GPC3: variants seen among roughly 807,000 people sequenced by gnomAD.
GPC3 encodes the protein glypican-3.
GPC3 carries 3 observed loss-of-function variants against 34.4 expected under a neutral mutation model. The observed-to-expected ratio is 0.09, with a 90% CI of 0.04 to 0.23. The LOEUF (loss-of-function observed/expected upper bound fraction) is 0.23. Ranked by LOEUF, GPC3 falls within the 10% of genes least tolerant of loss-of-function variation. The pLI is 1.00. For synonymous variants in GPC3, 177 were observed against 174.0 expected (o/e 1.02, Z -0.13); for missense variants, 351 against 445.6 (o/e 0.79, Z 1.91).
At chrX:133,729,839 C>T (rs1331831762) in intron 3 of GPC3, among the ~76,000 whole-genome samples, 3 of 112,120 alleles carry the variant, frequency 2.7e-5, no homozygotes, top group East Asian at 2.8e-4. Flanking sequence ...GTTTAATTAA[C>T]GCTGATACTT....
intron 6 of GPC3, among the ~76,000 whole-genome samples, chrX:133,635,974 T>C (rs2070419014): frequency 9.0e-6 from 1 of 111,598 alleles, no homozygotes; most frequent in Non-Finnish European, 1.9e-5. Flanking sequence ...ACATTCTGTT[T>C]TCATTTCCCT....
intron 2 of GPC3, among the ~76,000 whole-genome samples, chrX:133,776,706 A>G (rs901506622): frequency 9.0e-6 from 1 of 110,764 alleles, no homozygotes. Flanking sequence ...TAGCCCTGAC[A>G]GTGATAATCC....
At chrX:133,710,453 A>G (rs1311890649) in intron 3 of GPC3, among the ~76,000 whole-genome samples, 1 of 111,918 alleles carries the variant, frequency 8.9e-6, no homozygotes, top group Admixed American at 9.5e-5. Flanking sequence ...GTCTCCCCCA[A>G]CCAGATAGAA....
At chrX:133,960,442 GT>G (rs1157698426) in intron 1 of GPC3, among the ~76,000 whole-genome samples, 1 of 111,658 alleles carries the variant, frequency 9.0e-6, no homozygotes, top group African/African-American at 3.3e-5. Context: ...TGTTCTATAT[GT>G]TGGTTATTTT....
At chrX:133,570,186 C>CG (rs369888667) in intron 7 of GPC3, among the ~76,000 whole-genome samples, 1,273 of 109,713 alleles carry the variant, frequency 0.012, 26 homozygotes, top group African/African-American at 0.039. Flanking sequence ...CCACCGCGCC[C>CG]GGCCTGTTTG....
chrX:133,905,679 C>T (rs1254474459), intron 2 of GPC3, among the ~76,000 whole-genome samples: 1 of 110,838 alleles, frequency 9.0e-6, no homozygotes, highest in Non-Finnish European at 1.9e-5. Context: ...CAATCTAATA[C>T]CGTATGAAAC....
chrX:133,737,439 GGT>G (rs1440269157), intron 3 of GPC3, among the ~76,000 whole-genome samples: 1 of 111,835 alleles, frequency 8.9e-6, no homozygotes, highest in African/African-American at 3.3e-5. Flanking sequence ...AGTGAGGGAG[GGT>G]GTGTGTGTGG....
chrX:133,561,715 G>A (rs2069540160), intron 7 of GPC3, among the ~76,000 whole-genome samples: 1 of 111,814 alleles, frequency 8.9e-6, no homozygotes, highest in Non-Finnish European at 1.9e-5. Flanking sequence ...ATATCCTCAG[G>A]ATTCATATGG....
At chrX:133,958,386 T>C (rs1438185293) in intron 1 of GPC3, among the ~76,000 whole-genome samples, 5 of 107,406 alleles carry the variant, frequency 4.7e-5, no homozygotes, top group African/African-American at 1.7e-4. Flanking sequence ...ATAAAAAAAT[T>C]TTTTTTTAAT....
chrX:133,551,393 G>A (rs779405736), intron 7 of GPC3, among the ~76,000 whole-genome samples: 4 of 112,030 alleles, frequency 3.6e-5, no homozygotes, highest in Non-Finnish European at 7.5e-5. Context: ...GCTGGCACAG[G>A]AATAAATGTA....
At chrX:133,642,972 A>C (rs2070498645) in intron 6 of GPC3, among the ~76,000 whole-genome samples, 2 of 111,322 alleles carry the variant, frequency 1.8e-5, no homozygotes, top group Non-Finnish European at 3.8e-5. Flanking sequence ...TCAAATACTA[A>C]GGAATTTATT....
intron 2 of GPC3, among the ~76,000 whole-genome samples, chrX:133,873,529 C>T (rs917089776): frequency 3.6e-5 from 4 of 110,917 alleles, no homozygotes; most frequent in African/African-American, 1.3e-4. Flanking sequence ...TATTCTAGGC[C>T]CCATGGGTGA....
chrX:133,902,372 A>G (rs1438828840), intron 2 of GPC3, among the ~76,000 whole-genome samples: 2 of 112,303 alleles, frequency 1.8e-5, no homozygotes, highest in East Asian at 2.8e-4. Flanking sequence ...CTTGGGTTGG[A>G]GGTTGAAGAT....
chrX:133,616,287 C>CA (rs1233675668), intron 6 of GPC3, among the ~76,000 whole-genome samples: 1 of 111,406 alleles, frequency 9.0e-6, no homozygotes, highest in Non-Finnish European at 1.9e-5. Context: ...CAATTACATC[C>CA]AAAAAAATTA....
intron 2 of GPC3, among the ~76,000 whole-genome samples, chrX:133,863,824 T>G (rs2075952684): frequency 1.0e-5 from 1 of 98,838 alleles, no homozygotes; most frequent in Non-Finnish European, 2.0e-5. Context: ...CCCGGCTAAT[T>G]TTTTGTATTT....
chrX:133,779,791 G>A (rs1052229765), intron 2 of GPC3, among the ~76,000 whole-genome samples: 1 of 109,877 alleles, frequency 9.1e-6, no homozygotes, highest in African/African-American at 3.3e-5. Context: ...GTTATTTAAA[G>A]TTTTTCTCCC....
intron 2 of GPC3, among the ~76,000 whole-genome samples, chrX:133,780,466 C>A (rs368704500): frequency 2.7e-5 from 3 of 111,417 alleles, no homozygotes; most frequent in East Asian, 5.7e-4. Context: ...TGTCTTATAA[C>A]ATTTAAAAGA....
intron 1 of GPC3, among the ~76,000 whole-genome samples, chrX:133,983,938 C>T (rs760884536): frequency 8.8e-6 from 1 of 113,014 alleles, no homozygotes; most frequent in South Asian, 3.6e-4. Flanking sequence ...AAAGGGTGAC[C>T]AATTACCTTT....
At chrX:133,862,395 T>C (rs1222503588) in intron 2 of GPC3, among the ~76,000 whole-genome samples, 2 of 104,341 alleles carry the variant, frequency 1.9e-5, no homozygotes, top group African/African-American at 3.5e-5. Context: ...AAAAAAAAAA[T>C]AGTGGCCGGG....
Sources: gnomAD v4.1 joint callset for allele counts (sites outside exome capture counted in the v4.1 genomes callset) on GRCh38, gnomAD v4.1.1 for gene constraint, MANE v1.5 for transcripts, NCBI Gene and HGNC (gene_info 2026-07-23, HGNC 2026-07-21) for gene names.